The following TENT4B variants were observed in gnomAD, a reference collection of about 807,000 sequenced individuals.
TENT4B encodes terminal nucleotidyltransferase 4B, also known as PAP associated domain containing 5.
In TENT4B, 10 loss-of-function variants were observed where a neutral mutation model predicts 75.0. That is an observed-to-expected ratio of 0.13 (90% CI 0.08 to 0.23). The LOEUF (loss-of-function observed/expected upper bound fraction) is 0.23. TENT4B is among the 10% of genes least tolerant of loss of function. The probability of loss-of-function intolerance (pLI) is 1.00; values close to 1 mark genes in which losing one functional copy is unlikely to be tolerated. For synonymous variants in TENT4B, 350 were observed against 357.7 expected (o/e 0.98, Z 0.24); for missense variants, 579 against 893.8 (o/e 0.65, Z 4.49).
intron 1 of TENT4B, among the ~76,000 whole-genome samples, chr16:50,175,214 A>G (rs755133007): frequency 2.0e-5 from 3 of 152,130 alleles, no homozygotes; most frequent in Non-Finnish European, 4.4e-5. Context: ...TGTTTTGCAA[A>G]TATTTTTTCC....
chr16:50,154,310 C>CG, intron 1 of TENT4B, 51 bp downstream of exon 1: 1 of 1,382,554 alleles, frequency 7.2e-7, no homozygotes, highest in South Asian at 1.7e-5. Context: ...AATGCGCAGC[C>CG]GGGCACACGC....
rs1235627138 is a variant in TENT4B at position 50,233,819 on chromosome 16, C to T, written c.*4491C>T. The T allele has an allele frequency of 3.0e-6, 3 of 985,210 alleles. No homozygotes were observed. Among genetic ancestry groups the T allele is most frequent in the Non-Finnish European group, 2.4e-6 (2 of 829,882 alleles). 61.0% of individuals were successfully genotyped at this position (985,210 alleles called of 1,614,324 possible). A position where few individuals can be genotyped will look rare whatever the true frequency, so the allele number is the denominator to read the frequency against. On this transcript the variant is annotated 3_prime_UTR_variant, in exon 12 of 12. Transcript: ENST00000561678. Reference sequence around the variant, plus strand: ...CCAGAGAGATGGATGTAGTGCATTCCCTTTGGTTATTACACATTTGTGGTA... The same window carrying T: ...CCAGAGAGATGGATGTAGTGCATTCTCTTTGGTTATTACACATTTGTGGTA...
rs987062529 is a variant in TENT4B, at chr16:50,222,963, C to G, written c.1168-211C>G. Among the ~76,000 whole-genome samples, 3 of 152,332 alleles carry G rather than the reference C, an allele frequency of 2.0e-5. No homozygotes were observed. The East Asian group carries it at 5.8e-4, about 29-fold the overall frequency. The stretch of plus-strand genomic sequence containing the variant: ...GCCTGGTGCAGCCGTAAAATTCAGC[C>G]TTACAAACAGTCTCCCGCCATTCCC... On this transcript the variant is annotated intron_variant, in intron 6 of 11. Transcript: ENST00000561678.
intron 1 of TENT4B, among the ~76,000 whole-genome samples, chr16:50,157,372 T>A (rs2037920553): frequency 6.6e-6 from 1 of 152,226 alleles, no homozygotes; most frequent in South Asian, 2.1e-4. Flanking sequence ...CTTCATGCTC[T>A]TGGTATAGCC....
At chr16:50,162,419 T>G (rs147123926) in intron 1 of TENT4B, among the ~76,000 whole-genome samples, 1 of 152,242 alleles carries the variant, frequency 6.6e-6, no homozygotes, top group Non-Finnish European at 1.5e-5. Flanking sequence ...TCCTCTTATA[T>G]TCCTATCAAC....
intron 1 of TENT4B, among the ~76,000 whole-genome samples, chr16:50,207,142 C>G (rs564726050): frequency 5.5e-5 from 8 of 146,598 alleles, no homozygotes; most frequent in Non-Finnish European, 9.0e-5. Context: ...TATGACTTTT[C>G]TTTTGTGAAC....
At chr16:50,214,930 C>A (rs778038542) in intron 3 of TENT4B, among the ~76,000 whole-genome samples, 1 of 152,092 alleles carries the variant, frequency 6.6e-6, no homozygotes, top group Admixed American at 6.5e-5. Flanking sequence ...TGTGAGTTCC[C>A]GCTGTCTTGC....
At chr16:50,169,128 G>T (rs2038157065) in intron 1 of TENT4B, among the ~76,000 whole-genome samples, 1 of 152,044 alleles carries the variant, frequency 6.6e-6, no homozygotes, top group Non-Finnish European at 1.5e-5. Context: ...TTAAAAGTTT[G>T]CTCAAATCAA....
At chr16:50,184,507 AAAAC>A (rs2038485831) in intron 1 of TENT4B, among the ~76,000 whole-genome samples, 1 of 152,064 alleles carries the variant, frequency 6.6e-6, no homozygotes, top group Non-Finnish European at 1.5e-5. Context: ...TCTCTACTAA[AAAAC>A]AAAAAATTAG....
chr16:50,210,744 A>G (rs571090463), intron 1 of TENT4B, among the ~76,000 whole-genome samples: 1 of 152,186 alleles, frequency 6.6e-6, no homozygotes, highest in African/African-American at 2.4e-5. Context: ...TCCTCTACAG[A>G]TGCTTCTCCC....
chr16:50,213,966 G>C (rs1337734124), intron 2 of TENT4B, among the ~76,000 whole-genome samples: 1 of 152,104 alleles, frequency 6.6e-6, no homozygotes, highest in African/African-American at 2.4e-5. Context: ...ATCTCCTGCC[G>C]ATACCAAGGG....
At chr16:50,156,905 C>G (rs1231157900) in intron 1 of TENT4B, among the ~76,000 whole-genome samples, 3 of 152,106 alleles carry the variant, frequency 2.0e-5, no homozygotes, top group Non-Finnish European at 2.9e-5. Context: ...GCAGTCCTCC[C>G]ACCTTGGCCT....
At position 50,233,993 on chromosome 16, in the gene TENT4B, G is replaced by T. The variant is rs1567519699; in HGVS notation, c.*4665G>T. Reference sequence around the variant, plus strand: ...TTCCACATTTTAACTTAACGTCTTTGTGGCTTCACCACTGAGCTACCTTTC... The same window carrying T: ...TTCCACATTTTAACTTAACGTCTTTTTGGCTTCACCACTGAGCTACCTTTC... On this transcript the variant is annotated 3_prime_UTR_variant, in exon 12 of 12. Transcript: ENST00000561678. 1.0e-6 allele frequency: 1 copy of T among 985,298 alleles called. No individual in the cohort carries two copies. The highest frequency in any genetic ancestry group is 1.2e-6 in the Non-Finnish European group (1 of 829,946). 61.0% of individuals were successfully genotyped at this position (985,298 alleles called of 1,614,324 possible). A position where few individuals can be genotyped will look rare whatever the true frequency, so the allele number is the denominator to read the frequency against.
chr16:50,157,313 T>G (rs1189445209), intron 1 of TENT4B, among the ~76,000 whole-genome samples: 1 of 152,240 alleles, frequency 6.6e-6, no homozygotes, highest in Non-Finnish European at 1.5e-5. Context: ...TTGCATTGCC[T>G]AAGTCCTTGA....
intron 2 of TENT4B, 143 bp from the exon 3 acceptor site, chr16:50,214,077 TG>T: frequency 1.6e-6 from 1 of 633,888 alleles, no homozygotes; most frequent in Admixed American, 3.2e-5. Context: ...TCATGAAGCT[TG>T]GGGTTAGAAA....
chr16:50,177,303 C>T (rs191837350), intron 1 of TENT4B, among the ~76,000 whole-genome samples: 19 of 151,942 alleles, frequency 1.3e-4, no homozygotes, highest in African/African-American at 2.9e-4. Flanking sequence ...GTGCCTGGCC[C>T]GAGATAATAT....
chr16:50,221,193 T>C (rs1044857878), intron 5 of TENT4B, among the ~76,000 whole-genome samples: 3 of 152,038 alleles, frequency 2.0e-5, no homozygotes, highest in African/African-American at 7.2e-5. Flanking sequence ...GAGCTGGAGA[T>C]TGCAATGAGC....
At position 50,231,951 on chromosome 16, in the gene TENT4B, G is replaced by T. The variant is rs4374170; in HGVS notation, c.*2623G>T. The stretch of plus-strand genomic sequence containing the variant: ...TCAGAAATGTGTCATTTATATATTA[G>T]AGTCCATTCATATCCATGAATCATA... On this transcript the variant is annotated 3_prime_UTR_variant, in exon 12 of 12. Transcript: ENST00000561678. The T allele has an allele frequency of 0.78, 765,946 of 979,560 alleles. 300,467 individuals carry two copies. Among genetic ancestry groups the T allele is most frequent in the Non-Finnish European group, 0.79 (654,887 of 824,702 alleles). 60.7% of individuals were successfully genotyped at this position (979,560 alleles called of 1,614,324 possible).
chr16:50,206,959 G>A (rs2031013470), intron 1 of TENT4B, among the ~76,000 whole-genome samples: 1 of 150,254 alleles, frequency 6.7e-6, no homozygotes, highest in South Asian at 2.1e-4. Flanking sequence ...TTTAAATATG[G>A]AATCTGTTTT....
Sources: gnomAD v4.1 joint callset for allele counts (sites outside exome capture counted in the v4.1 genomes callset) on GRCh38, gnomAD v4.1.1 for gene constraint, MANE v1.5 for transcripts, NCBI Gene and HGNC (gene_info 2026-07-23, HGNC 2026-07-21) for gene names.